Variants in KIAA1549L observed in about 807,000 individuals in gnomAD.
The protein encoded by KIAA1549L is KIAA1549 like.
KIAA1549L carries 88 observed loss-of-function variants against 160.7 expected under a neutral mutation model. That is an observed-to-expected ratio of 0.55 (90% CI 0.46 to 0.65). The LOEUF (loss-of-function observed/expected upper bound fraction) is 0.65. Among genes scored for constraint, KIAA1549L ranks in the 30% least tolerant of loss-of-function variants. The probability of loss-of-function intolerance (pLI) is 0.00; values close to 1 mark genes in which losing one functional copy is unlikely to be tolerated. For missense variants in KIAA1549L, 2,258 were observed against 2,437.5 expected, an observed-to-expected ratio of 0.93 and a Z score of 1.55; for synonymous variants, 950 against 976.7, an observed-to-expected ratio of 0.97 and a Z score of 0.51.
At chr11:33,648,203 C>G (rs538649696) in intron 17 of KIAA1549L, among the ~76,000 whole-genome samples, 30 of 152,106 alleles carry the variant, frequency 2.0e-4, no homozygotes, top group African/African-American at 7.0e-4. Context: ...ACCACGTTGG[C>G]CAGGCTGGTC....
chr11:33,489,536 C>T (rs1852608517), intron 1 of KIAA1549L, among the ~76,000 whole-genome samples: 1 of 152,188 alleles, frequency 6.6e-6, no homozygotes, highest in Admixed American at 6.5e-5. Context: ...TACTCATGTA[C>T]AGTCCAGTTA....
intron 1 of KIAA1549L, among the ~76,000 whole-genome samples, chr11:33,489,693 C>T (rs780125429): frequency 3.3e-4 from 50 of 152,120 alleles, no homozygotes; most frequent in Non-Finnish European, 5.7e-4. Context: ...GCGGGTCACA[C>T]AGGAAGTTTT....
intron 20 of KIAA1549L, among the ~76,000 whole-genome samples, chr11:33,661,849 C>G (rs1466726051): frequency 1.4e-5 from 2 of 146,068 alleles, no homozygotes; most frequent in Non-Finnish European, 3.0e-5. Context: ...CACTCCACTC[C>G]CGCTGGGGCG....
chr11:33,447,623 G>GCACACA (rs56839961), intron 1 of KIAA1549L, among the ~76,000 whole-genome samples: 6,250 of 147,282 alleles, frequency 0.042, 245 homozygotes, highest in African/African-American at 0.1. Flanking sequence ...ACATGAACTT[G>GCACACA]CACACACACA....
chr11:33,503,233 TGTGA>T (rs1852994556), intron 1 of KIAA1549L, among the ~76,000 whole-genome samples: 1 of 152,256 alleles, frequency 6.6e-6, no homozygotes, highest in South Asian at 2.1e-4. Flanking sequence ...GCATTATGTG[TGTGA>T]GTTTCATTAA....
chr11:33,547,966 A>G (rs1854322292), intron 4 of KIAA1549L, 87 bp downstream of exon 4: 2 of 854,776 alleles, frequency 2.3e-6, no homozygotes, highest in Non-Finnish European at 1.9e-6. Flanking sequence ...CCTCCTTTCT[A>G]GGGATCATAA....
intron 1 of KIAA1549L, among the ~76,000 whole-genome samples, chr11:33,456,728 T>C (rs1283444491): frequency 6.6e-6 from 1 of 152,188 alleles, no homozygotes; most frequent in Non-Finnish European, 1.5e-5. Context: ...TTCTTATGTC[T>C]TTCTTTTTCA....
At chr11:33,419,671 C>T (rs372383906) in intron 1 of KIAA1549L, among the ~76,000 whole-genome samples, 1 of 151,938 alleles carries the variant, frequency 6.6e-6, no homozygotes, top group East Asian at 1.9e-4. Flanking sequence ...CATAGTGAAA[C>T]CCCATCTCCA....
At chr11:33,587,687 T>G (rs769995617) in intron 11 of KIAA1549L, among the ~76,000 whole-genome samples, 1 of 152,216 alleles carries the variant, frequency 6.6e-6, no homozygotes, top group South Asian at 2.1e-4. Flanking sequence ...TTTGTGTATA[T>G]CCATCATTGA....
At chr11:33,524,534 T>C (rs1312407918) in intron 1 of KIAA1549L, among the ~76,000 whole-genome samples, 4 of 152,186 alleles carry the variant, frequency 2.6e-5, no homozygotes, top group African/African-American at 9.6e-5. Flanking sequence ...CTAATTTTTA[T>C]ATATGAATAA....
At chr11:33,467,594 T>G (rs1052138333) in intron 1 of KIAA1549L, among the ~76,000 whole-genome samples, 3 of 152,244 alleles carry the variant, frequency 2.0e-5, no homozygotes, top group Non-Finnish European at 4.4e-5. Flanking sequence ...TTTGGACACG[T>G]GGCAGAATCC....
At chr11:33,381,858 G>A (rs933550129) in intron 1 of KIAA1549L, among the ~76,000 whole-genome samples, 4 of 152,180 alleles carry the variant, frequency 2.6e-5, no homozygotes, top group Non-Finnish European at 5.9e-5. Context: ...AAGGGTAGGA[G>A]AGAAAGAGAG....
intron 13 of KIAA1549L, among the ~76,000 whole-genome samples, chr11:33,605,748 T>C (rs1373695540): frequency 1.3e-5 from 2 of 152,236 alleles, no homozygotes; most frequent in African/African-American, 4.8e-5. Context: ...TCCTCCTAAA[T>C]TGTCTGCTGG....
At chr11:33,612,189 AAG>A (rs1402344075) in intron 15 of KIAA1549L, among the ~76,000 whole-genome samples, 1 of 152,214 alleles carries the variant, frequency 6.6e-6, no homozygotes, top group Non-Finnish European at 1.5e-5. Context: ...AGACAGAAAA[AAG>A]AGAGTGACAA....
chr11:33,433,582 T>A (rs906293746), intron 1 of KIAA1549L, among the ~76,000 whole-genome samples: 1 of 152,156 alleles, frequency 6.6e-6, no homozygotes, highest in Non-Finnish European at 1.5e-5. Flanking sequence ...AGCAATCCCA[T>A]TACTGGATAT....
At chr11:33,439,569 A>ATTT (rs34456047) in intron 1 of KIAA1549L, among the ~76,000 whole-genome samples, 4 of 123,988 alleles carry the variant, frequency 3.2e-5, no homozygotes, top group African/African-American at 9.3e-5. Flanking sequence ...TGCCCGGCTA[A>ATTT]TTTTTTTTTT....
At position 33,448,810 on chromosome 11, in the gene KIAA1549L, G is replaced by T. The variant is rs527580852; in HGVS notation, c.238+71921G>T. 1.1e-4 allele frequency among the ~76,000 whole-genome samples: 16 copies of T among 152,274 alleles called. No homozygotes were observed. The East Asian group carries it at 2.5e-3, about 24-fold the overall frequency. On this transcript the variant is annotated intron_variant, in intron 1 of 20. Transcript: ENST00000658780. ...GAAATACCTCCTCAGTAGCATCCAG[G>T]TTATGTTCAGGTAATCTGAAAGTAT...
chr11:33,398,991 C>G (rs1850444113), intron 1 of KIAA1549L, among the ~76,000 whole-genome samples: 1 of 149,616 alleles, frequency 6.7e-6, no homozygotes. Context: ...CTTGCTCTGT[C>G]ACCCAGGCTG....
At chr11:33,379,514 C>T in intron 1 of KIAA1549L, among the ~76,000 whole-genome samples, 1 of 152,182 alleles carries the variant, frequency 6.6e-6, no homozygotes, top group South Asian at 2.1e-4. Flanking sequence ...CCTGTATTCT[C>T]TTTGGCCATC....
Sources: allele counts gnomAD v4.1 joint callset (sites outside exome capture counted in the v4.1 genomes callset), GRCh38; gene constraint gnomAD v4.1.1; transcripts MANE v1.5; gene names NCBI Gene and HGNC (gene_info 2026-07-23, HGNC 2026-07-21).